Variants in ATCAY observed in about 807,000 individuals in gnomAD.
ATCAY encodes ATCAY kinesin light chain interacting caytaxin.
A neutral mutation model predicts 47.7 loss-of-function variants in ATCAY; 22 were observed. The ratio of observed to expected loss-of-function variants is 0.46; its 90% CI spans 0.33 to 0.66. The LOEUF (loss-of-function observed/expected upper bound fraction) is 0.66. ATCAY is among the 30% of genes least tolerant of loss of function. ATCAY has a pLI of 0.02. For missense variants in ATCAY, 452 were observed against 515.0 expected, an observed-to-expected ratio of 0.88 and a Z score of 1.18; for synonymous variants, 216 against 207.6, an observed-to-expected ratio of 1.04 and a Z score of -0.35.
chr19:3,914,951 A>G (rs1265431186), intron 9 of ATCAY, among the ~76,000 whole-genome samples: 1 of 151,226 alleles, frequency 6.6e-6, no homozygotes, highest in Non-Finnish European at 1.5e-5. Flanking sequence ...GGGAGGAACT[A>G]GAACCCACCC....
rs371295027 is a variant in ATCAY at position 3,909,782 on chromosome 19, G to A, written c.779+165G>A. Among the ~76,000 whole-genome samples the A allele has an allele frequency of 2.6e-5, 4 of 152,146 alleles. No individual in the cohort carries two copies. The South Asian group carries it at 8.3e-4, about 32-fold the overall frequency. ...AGCCTGGGCAACGCAGCAAGACGCT[G>A]TCTCTACAGAAAAACTTTTAGGCCG... On this transcript the variant is annotated intron_variant, in intron 7 of 12. Coordinates refer to ENST00000450849, the MANE Select transcript of ATCAY (RefSeq NM_033064.5).
intron 11 of ATCAY, chr19:3,920,136 G>A (rs1442312337): frequency 6.6e-6 from 1 of 152,220 alleles, no homozygotes; most frequent in South Asian, 2.1e-4. Context: ...TTGAGGTCAG[G>A]AGTTCGAGAC....
intron 2 of ATCAY, among the ~76,000 whole-genome samples, chr19:3,901,446 A>G (rs1382620259): frequency 6.6e-6 from 1 of 152,022 alleles, no homozygotes; most frequent in African/African-American, 2.4e-5. Flanking sequence ...TGGGGGTTTT[A>G]TCTATTTATT....
chr19:3,895,113 T>C (rs552502281), intron 2 of ATCAY: 54 of 456,236 alleles, frequency 1.2e-4, no homozygotes, highest in African/African-American at 9.8e-4. Flanking sequence ...TTCCTTTATA[T>C]ACATGGTCTC....
chr19:3,887,194 C>T lies in ATCAY; in HGVS notation c.77+1350C>T, dbSNP rs376929693. Among the ~76,000 whole-genome samples, 34 of 152,084 alleles carry T rather than the reference C, an allele frequency of 2.2e-4. 2 individuals carry two copies. Among genetic ancestry groups the T allele is most frequent in the South Asian group, 4.1e-4 (2 of 4,824 alleles). On this transcript the variant is annotated intron_variant, in intron 2 of 12. Coordinates refer to ENST00000450849, the MANE Select transcript of ATCAY (RefSeq NM_033064.5). ...CACAGGGGCTGGGCACGGTGGCTCA[C>T]GCCTATGATCCCAGCACTTACAGAG...
At chr19:3,888,638 A>T (rs1457514896) in intron 2 of ATCAY, among the ~76,000 whole-genome samples, 1 of 152,136 alleles carries the variant, frequency 6.6e-6, no homozygotes, top group Non-Finnish European at 1.5e-5. Flanking sequence ...TCTCAAAAAA[A>T]CAGAATCTCC....
intron 9 of ATCAY, among the ~76,000 whole-genome samples, chr19:3,915,610 G>A (rs2038960046): frequency 6.7e-6 from 1 of 148,790 alleles, no homozygotes; most frequent in South Asian, 2.1e-4. Flanking sequence ...GGAGTGCAGT[G>A]GCACGATCTC....
chr19:3,896,267 CTT>C (rs71166934), intron 2 of ATCAY, among the ~76,000 whole-genome samples: 9,725 of 141,108 alleles, frequency 0.069, 444 homozygotes, highest in Non-Finnish European at 0.1. Context: ...AATCACATCC[CTT>C]TTTTTTTTTT....
rs369421443 is a variant in ATCAY, at chr19:3,902,483, G to T, written c.78-4G>T. 6.4e-7 allele frequency: 1 copy of T among 1,570,162 alleles called. No individual in the cohort carries two copies. Among genetic ancestry groups the T allele is most frequent in the African/African-American group, 1.4e-5 (1 of 73,970 alleles). ...CTGATGCCTGTTCCTGGATGGGTCC[G>T]CAGGCCACTCCCAGAAGAGACGGGG... On this transcript the variant is annotated splice_polypyrimidine_tract_variant and splice_region_variant and intron_variant, in intron 2 of 12. Coordinates refer to ENST00000450849, the MANE Select transcript of ATCAY (RefSeq NM_033064.5).
rs374316318 is a variant in ATCAY at position 3,918,928 on chromosome 19, C to T, written c.1073+51C>T. The T allele has an allele frequency of 1.1e-5, 17 of 1,604,510 alleles. No homozygotes were observed. In the African/African-American group the frequency reaches 1.3e-4, roughly 13 times the overall value. ...GAGAGCTGACAGTCACGGGAGGCTG[C>T]CTACTCCCTTGGGGGAGGCTAGAGA... On this transcript the variant is annotated intron_variant, in intron 11 of 12. Transcript: ENST00000450849.
chr19:3,908,006 C>T (rs944493055), intron 5 of ATCAY, 87 bp downstream of exon 5: 26 of 1,479,140 alleles, frequency 1.8e-5, no homozygotes, highest in Middle Eastern at 3.4e-4. Flanking sequence ...CTCTGATGCA[C>T]GGGGATGTTA....
At chr19:3,900,895 C>CTTT (rs59395284) in intron 2 of ATCAY, among the ~76,000 whole-genome samples, 161 of 92,224 alleles carry the variant, frequency 1.7e-3, no homozygotes, top group Non-Finnish European at 2.3e-3. Flanking sequence ...TATCCTTCAT[C>CTTT]TTTTTTTTTT....
Position 3,910,873 on chromosome 19 carries a change from T to G in ATCAY, c.850T>G (p.Ser284Ala). 6.2e-7 allele frequency: 1 copy of G among 1,613,980 alleles called. No individual in the cohort carries two copies. The highest frequency in any genetic ancestry group is 1.3e-5 in the African/African-American group (1 of 75,050). ...SWFIRTVLAI[S>A]RPFISVKFIN... Reference sequence around the variant, plus strand: ...GTTCATTCGGACTGTGCTGGCCATCTCTCGCCCTTTCATCAGGTGAGACGG... The same window carrying G: ...GTTCATTCGGACTGTGCTGGCCATCGCTCGCCCTTTCATCAGGTGAGACGG... The change falls in exon 8 of 13, where the codon TCT becomes GCT. Residue 284 changes from serine to alanine, a missense_variant. Ser to Ala is a moderately conservative substitution (Grantham distance 99). Transcript: ENST00000450849.
In ATCAY at chr19:3,914,235, C is replaced by CAA. The variant is rs56742726; in HGVS notation, c.965+393_965+394dup. Among the ~76,000 whole-genome samples the CAA allele has an allele frequency of 3.4e-4, 21 of 62,570 alleles. 3 individuals carry two copies. The highest frequency in any genetic ancestry group is 2.0e-3 in the African/African-American group (19 of 9,564). The allele number at this position is 62,570 out of a possible 152,430, so 41.0% of individuals were successfully genotyped here. On this transcript the variant is annotated intron_variant, in intron 9 of 12. Transcript: ENST00000450849. ...TGGGCCACAGAGCGAGACTCCATCG[C>CAA]AAAAAAAAAAAAAAAGGGCTAACGG...
intron 10 of ATCAY, among the ~76,000 whole-genome samples, chr19:3,918,049 G>A (rs8102566): frequency 0.18 from 26,853 of 152,072 alleles, 2,957 homozygotes; most frequent in African/African-American, 0.31. Context: ...GGCAAAAAAG[G>A]TTGAGCACAG....
intron 2 of ATCAY, among the ~76,000 whole-genome samples, chr19:3,892,618 C>G (rs1390419902): frequency 1.3e-5 from 2 of 152,074 alleles, no homozygotes; most frequent in African/African-American, 4.8e-5. Context: ...TCAAAGTCAG[C>G]CCTCAGGGCT....
chr19:3,917,411 C>T (rs1378580868), intron 9 of ATCAY, among the ~76,000 whole-genome samples: 1 of 151,488 alleles, frequency 6.6e-6, no homozygotes, highest in Non-Finnish European at 1.5e-5. Flanking sequence ...AGGGAAACCC[C>T]GTCTGTACTA....
chr19:3,909,546 C>T lies in ATCAY; in HGVS notation c.708C>T (p.Asn236=), dbSNP rs1056783124. 9 of 1,613,794 alleles carry T rather than the reference C, an allele frequency of 5.6e-6. No homozygotes were observed. The highest frequency in any genetic ancestry group is 7.6e-6 in the Non-Finnish European group (9 of 1,179,840). ...AGGACTACATGATCGTGTACCTGAACGGTGCCACGCCCCGGCGGAGGATGC... is the reference window on the plus strand; with the variant it reads ...AGGACTACATGATCGTGTACCTGAATGGTGCCACGCCCCGGCGGAGGATGC... ...VAEDYMIVYL[N]GATPRRRMPG... is the part of the protein sequence containing the mutation. The change falls in exon 7 of 13, where the codon AAC becomes AAT. Residue 236 remains asparagine, a synonymous_variant. Transcript: ENST00000450849.
intron 8 of ATCAY, among the ~76,000 whole-genome samples, chr19:3,911,838 A>G (rs1275809198): frequency 6.6e-6 from 1 of 152,176 alleles, no homozygotes; most frequent in Non-Finnish European, 1.5e-5. Flanking sequence ...CTTGAACAAC[A>G]GGACACATTC....
Sources: allele counts gnomAD v4.1 joint callset (sites outside exome capture counted in the v4.1 genomes callset), GRCh38; gene constraint gnomAD v4.1.1; transcripts MANE v1.5; gene names NCBI Gene and HGNC (gene_info 2026-07-23, HGNC 2026-07-21).